The following TTC7A variants were observed in gnomAD, a reference collection of about 807,000 sequenced individuals.
TTC7A encodes tetratricopeptide repeat protein 7A.
Under a neutral mutation model 103.7 loss-of-function variants are expected in TTC7A, and 110 were observed. The observed-to-expected ratio is 1.06, with a 90% CI of 0.91 to 1.24. The LOEUF is 1.24. Ranked by LOEUF, TTC7A falls within the 50% of genes most tolerant of loss-of-function variation. The pLI, the probability that TTC7A is intolerant of heterozygous loss-of-function variation, is 0.00. For synonymous variants in TTC7A, 521 were observed against 467.9 expected, an observed-to-expected ratio of 1.11 and a Z score of -1.47; for missense variants, 1,340 against 1,116.3, an observed-to-expected ratio of 1.20 and a Z score of -2.86.
intron 2 of TTC7A, among the ~76,000 whole-genome samples, chr2:46,922,092 CAA>C (rs1161062788): frequency 6.6e-6 from 1 of 152,160 alleles, no homozygotes; most frequent in African/African-American, 2.4e-5. Context: ...TGGCATCCAG[CAA>C]AGAGTCTAGT....
At chr2:46,956,250 T>G (rs1158505482) in intron 2 of TTC7A, among the ~76,000 whole-genome samples, 1 of 152,216 alleles carries the variant, frequency 6.6e-6, no homozygotes, top group Non-Finnish European at 1.5e-5. Flanking sequence ...ATTCTGCACT[T>G]TGACCCATTT....
chr2:47,014,264 T>A (rs1250822128), intron 11 of TTC7A, among the ~76,000 whole-genome samples: 1 of 152,102 alleles, frequency 6.6e-6, no homozygotes, highest in Non-Finnish European at 1.5e-5. Context: ...GGTGCTATAC[T>A]AGTAACTGAC....
At chr2:47,043,636 T>C (rs974179805) in intron 15 of TTC7A, among the ~76,000 whole-genome samples, 3 of 152,200 alleles carry the variant, frequency 2.0e-5, no homozygotes, top group African/African-American at 7.2e-5. Flanking sequence ...AAAATCCCTC[T>C]GGCAGCGCTC....
At chr2:46,948,469 A>C (rs571603655) in intron 1 of TTC7A, among the ~76,000 whole-genome samples, 1 of 152,206 alleles carries the variant, frequency 6.6e-6, no homozygotes, top group South Asian at 2.1e-4. Flanking sequence ...TTAAAATGTT[A>C]ATTTTAAAAG....
chr2:47,005,658 A>G (rs530712452), intron 8 of TTC7A, among the ~76,000 whole-genome samples: 2 of 152,180 alleles, frequency 1.3e-5, no homozygotes, highest in African/African-American at 2.4e-5. Context: ...GAAATTTTGT[A>G]GAATAACAAA....
intron 3 of TTC7A, among the ~76,000 whole-genome samples, chr2:46,959,687 C>T (rs189014346): frequency 2.0e-4 from 31 of 152,338 alleles, no homozygotes; most frequent in African/African-American, 5.5e-4. Context: ...CCCTGTGAGG[C>T]GTCACTCACA....
chr2:47,064,196 C>G (rs1478958740), intron 19 of TTC7A, among the ~76,000 whole-genome samples: 1 of 152,230 alleles, frequency 6.6e-6, no homozygotes, highest in Non-Finnish European at 1.5e-5. Context: ...CCATCAGGCT[C>G]TGGTCCTGCT....
At chr2:47,036,093 G>C (rs4953447) in intron 15 of TTC7A, among the ~76,000 whole-genome samples, 1 of 152,064 alleles carries the variant, frequency 6.6e-6, no homozygotes, top group Non-Finnish European at 1.5e-5. Flanking sequence ...TTTGTGTTTG[G>C]GAAGTCCTCT....
exon 1 of TTC7A, chr2:46,916,270 C>T (rs1191621513): frequency 5.5e-6 from 4 of 730,304 alleles, no homozygotes; most frequent in Non-Finnish European, 6.7e-6. Flanking sequence ...CACGCTGGAG[C>T]CGGCCTTGGA....
At chr2:47,016,109 A>C (rs1678630670) in intron 11 of TTC7A, among the ~76,000 whole-genome samples, 2 of 152,228 alleles carry the variant, frequency 1.3e-5, no homozygotes. Context: ...AGTCCTGGGC[A>C]TTAGCAGAGT....
chr2:47,026,963 C>A (rs992529740), intron 14 of TTC7A, among the ~76,000 whole-genome samples: 4 of 152,336 alleles, frequency 2.6e-5, no homozygotes, highest in Middle Eastern at 3.4e-3. Context: ...ACATCAGATT[C>A]TTTCCACATC....
chr2:46,999,912 G>C (rs926343415), intron 8 of TTC7A: 31 of 984,798 alleles, frequency 3.1e-5, no homozygotes, highest in Non-Finnish European at 3.4e-5. Flanking sequence ...CTGGGTCCTG[G>C]GACTCTGCAG....
At chr2:46,938,311 A>G (rs554189960), upstream of TTC7A, among the ~76,000 whole-genome samples, 2 of 152,238 alleles carry the variant, frequency 1.3e-5, no homozygotes, top group African/African-American at 2.4e-5. Flanking sequence ...ACAAAATATC[A>G]ATCTTAAACT....
chr2:47,073,888 G>A lies in TTC7A; in HGVS notation c.2542G>A (p.Val848Ile). 2 of 1,613,272 alleles carry A rather than the reference G, an allele frequency of 1.2e-6. No individual in the cohort carries two copies. The highest frequency in any genetic ancestry group is 1.7e-6 in the Non-Finnish European group (2 of 1,179,984). The stretch of plus-strand genomic sequence containing the variant: ...CCTTGAGCTGGAGGCCAGCAGCCCT[G>A]TACTGCCCTTCTCCATCATCCCCAG... ...TALELEASSP[V>I]LPFSIIPREL The change falls in exon 20 of 20, where the codon GTA becomes ATA. Residue 848 changes from valine (V) to isoleucine (I), a missense_variant. Transcript: ENST00000319190.
intron 3 of TTC7A, among the ~76,000 whole-genome samples, chr2:46,967,273 G>C (rs993830131): frequency 6.6e-6 from 1 of 152,026 alleles, no homozygotes; most frequent in African/African-American, 2.4e-5. Context: ...ACTTTTAAGC[G>C]TACAGTTCGG....
intron 2 of TTC7A, chr2:46,951,760 T>C (rs1671437221): frequency 2.3e-6 from 1 of 428,722 alleles, no homozygotes; most frequent in African/African-American, 2.0e-5. Flanking sequence ...CTTAAACCTT[T>C]TATTCCAACG....
chr2:47,025,522 C>A (rs535721029), intron 14 of TTC7A, among the ~76,000 whole-genome samples: 1 of 152,176 alleles, frequency 6.6e-6, no homozygotes, highest in Non-Finnish European at 1.5e-5. Context: ...CTCCTCCTCT[C>A]GTCACAGTTA....
At chr2:46,998,757 T>C (rs182133163) in intron 8 of TTC7A, among the ~76,000 whole-genome samples, 14 of 152,244 alleles carry the variant, frequency 9.2e-5, no homozygotes, top group Middle Eastern at 3.4e-3. Flanking sequence ...CAGGCCTCCT[T>C]GTTTTGTGGT....
At chr2:46,956,456 A>G (rs1463397053) in intron 2 of TTC7A, among the ~76,000 whole-genome samples, 37 of 152,148 alleles carry the variant, frequency 2.4e-4, no homozygotes. Flanking sequence ...ACTTAACTCC[A>G]TCTCTGACTC....
Sources: allele counts gnomAD v4.1 joint callset (sites outside exome capture counted in the v4.1 genomes callset), GRCh38; gene constraint gnomAD v4.1.1; transcripts MANE v1.5; gene names NCBI Gene and HGNC (gene_info 2026-07-23, HGNC 2026-07-21).